ARK2N: variants seen among roughly 807,000 people sequenced by gnomAD.
The protein encoded by ARK2N is protein ARK2N.
chr18:46,197,423 G>A, the ARK2N span, among the ~76,000 whole-genome samples: 1 of 152,066 alleles, frequency 6.6e-6, no homozygotes, highest in Non-Finnish European at 1.5e-5. Context: ...TAGTAGAAAC[G>A]GGGTTTCACC....
the ARK2N span, among the ~76,000 whole-genome samples, chr18:46,214,122 A>G: frequency 1.3e-5 from 2 of 152,222 alleles, no homozygotes; most frequent in Non-Finnish European, 2.9e-5. Context: ...ATGAAAAACA[A>G]CAGGCATATA....
the ARK2N span, among the ~76,000 whole-genome samples, chr18:46,248,896 G>A: frequency 6.6e-6 from 1 of 151,872 alleles, no homozygotes; most frequent in African/African-American, 2.4e-5. Context: ...ATACTCTTAC[G>A]CAGCTACTTC....
chr18:46,216,329 C>T, the ARK2N span: 1 of 1,614,066 alleles, frequency 6.2e-7, no homozygotes, highest in Admixed American at 1.7e-5. This position sits in a 1 kb window ranked among gnomAD's most constrained non-coding sequence, Gnocchi z 4.3. Context: ...AGTGAAACTT[C>T]CACTATGGCT....
the ARK2N span, among the ~76,000 whole-genome samples, chr18:46,185,259 G>C: frequency 1.3e-5 from 2 of 152,164 alleles, no homozygotes; most frequent in Non-Finnish European, 2.9e-5. Flanking sequence ...AGAGGGCTGA[G>C]GGAGTAAGTA....
the ARK2N span, chr18:46,264,097 C>T: frequency 6.6e-6 from 1 of 152,376 alleles, no homozygotes; most frequent in African/African-American, 2.4e-5. Context: ...ATGAAGTGGA[C>T]CTGATGCTGT....
At chr18:46,248,639 T>C in the ARK2N span, among the ~76,000 whole-genome samples, 2 of 152,144 alleles carry the variant, frequency 1.3e-5, no homozygotes. Context: ...TGGAGTGCAG[T>C]GGCACGATCT....
At chr18:46,247,150 A>C in the ARK2N span, among the ~76,000 whole-genome samples, 2 of 152,128 alleles carry the variant, frequency 1.3e-5, no homozygotes, top group South Asian at 4.1e-4. Context: ...AGTTAGAAGA[A>C]TCTGAAATAT....
chr18:46,233,361 A>G, the ARK2N span, among the ~76,000 whole-genome samples: 2 of 152,158 alleles, frequency 1.3e-5, no homozygotes, highest in African/African-American at 4.8e-5. Flanking sequence ...TAGTACAGAT[A>G]TTTTAGTTTT....
At chr18:46,231,006 G>A in the ARK2N span, among the ~76,000 whole-genome samples, 56 of 152,026 alleles carry the variant, frequency 3.7e-4, no homozygotes, top group African/African-American at 1.3e-3. Flanking sequence ...TTCAACCAGC[G>A]GATTAGAGTG....
At chr18:46,239,176 G>T in the ARK2N span, among the ~76,000 whole-genome samples, 6 of 152,256 alleles carry the variant, frequency 3.9e-5, no homozygotes, top group Admixed American at 3.9e-4. Context: ...ATGAATTGCT[G>T]CAGTGTAATT....
At chr18:46,253,738 GC>G in the ARK2N span, 3 of 882,952 alleles carry the variant, frequency 3.4e-6, no homozygotes, top group South Asian at 7.4e-5. Context: ...CAAAACATCT[GC>G]TGGCAATGCG....
the ARK2N span, among the ~76,000 whole-genome samples, chr18:46,212,780 C>G: frequency 6.6e-6 from 1 of 151,864 alleles, no homozygotes; most frequent in African/African-American, 2.4e-5. Context: ...CTAGATTTAC[C>G]TGTTTTATCC....
At chr18:46,253,036 T>C in the ARK2N span, among the ~76,000 whole-genome samples, 1 of 152,246 alleles carries the variant, frequency 6.6e-6, no homozygotes, top group Non-Finnish European at 1.5e-5. Flanking sequence ...CTCTCAGCAA[T>C]GTACAAGTTA....
At chr18:46,179,349 T>A in the ARK2N span, among the ~76,000 whole-genome samples, 1 of 152,240 alleles carries the variant, frequency 6.6e-6, no homozygotes, top group East Asian at 1.9e-4. Flanking sequence ...TCTTTAGTTG[T>A]CAATTTCCAG....
the ARK2N span, chr18:46,228,635 G>T: frequency 5.1e-6 from 2 of 393,298 alleles, no homozygotes; most frequent in Non-Finnish European, 4.5e-6. Flanking sequence ...ATCTACACTG[G>T]AGTGCAGAGG....
At chr18:46,207,388 C>CTTTTTTTTTTTTTTTTTTTTTTTTTT in the ARK2N span, among the ~76,000 whole-genome samples, 4 of 115,910 alleles carry the variant, frequency 3.5e-5, no homozygotes, top group African/African-American at 1.3e-4. Flanking sequence ...AGTTTCTATA[C>CTTTTTTTTTTTTTTTTTTTTTTTTTT]TTTTTTTTTT....
At chr18:46,252,372 G>C in the ARK2N span, among the ~76,000 whole-genome samples, 1 of 150,376 alleles carries the variant, frequency 6.6e-6, no homozygotes, top group African/African-American at 2.4e-5. Context: ...TGCTTCCTGG[G>C]TTCAAGCAAT....
chr18:46,196,853 G>T, the ARK2N span, among the ~76,000 whole-genome samples: 1 of 152,244 alleles, frequency 6.6e-6, no homozygotes, highest in Non-Finnish European at 1.5e-5. Context: ...AGATAGTATT[G>T]GCTTTTAGTG....
At chr18:46,228,781 G>C in the ARK2N span, 1 of 398,548 alleles carries the variant, frequency 2.5e-6, no homozygotes, top group East Asian at 3.6e-5. Context: ...ATGTTGTTCA[G>C]GCTGGCCTCA....
Sources: gnomAD v4.1 joint callset for allele counts (sites outside exome capture counted in the v4.1 genomes callset) on GRCh38, gnomAD v4.1.1 for gene constraint, Gnocchi (gnomAD v3.1) non-coding constraint, MANE v1.5 for transcripts, NCBI Gene and HGNC (gene_info 2026-07-23, HGNC 2026-07-21) for gene names.